The following CDC42SE2 variants were observed in gnomAD, a reference collection of about 807,000 sequenced individuals.
The protein encoded by CDC42SE2 is CDC42 small effector protein 2.
A neutral mutation model predicts 11.5 loss-of-function variants in CDC42SE2; 3 were observed. The ratio of observed to expected loss-of-function variants is 0.26; its 90% CI spans 0.12 to 0.67. CDC42SE2 has a LOEUF of 0.67. Ranked by LOEUF, CDC42SE2 falls within the 30% of genes least tolerant of loss-of-function variation. The pLI, the probability that CDC42SE2 is intolerant of heterozygous loss-of-function variation, is 0.80. For missense variants in CDC42SE2, 82 were observed against 106.8 expected (o/e 0.77, Z 1.02); for synonymous variants, 33 against 34.8 (o/e 0.95, Z 0.18).
chr5:131,306,899 G>T (rs1223084935), intron 1 of CDC42SE2, among the ~76,000 whole-genome samples: 1 of 151,866 alleles, frequency 6.6e-6, no homozygotes, highest in Non-Finnish European at 1.5e-5. Context: ...ATTATTAGTT[G>T]TTAGTGTAAA....
chr5:131,216,457 A>C, the CDC42SE2 span, among the ~76,000 whole-genome samples: 1 of 148,910 alleles, frequency 6.7e-6, no homozygotes. Context: ...AGCTGTGGTC[A>C]CACCACTGCA....
intron 2 of CDC42SE2, among the ~76,000 whole-genome samples, chr5:131,354,371 G>C (rs951551573): frequency 6.6e-6 from 1 of 152,050 alleles, no homozygotes. Context: ...GAGCCCATAA[G>C]CACCTCTTCC....
chr5:131,349,433 T>TAC (rs1370766463), intron 2 of CDC42SE2, among the ~76,000 whole-genome samples: 1 of 152,206 alleles, frequency 6.6e-6, no homozygotes, highest in Non-Finnish European at 1.5e-5. Context: ...GGCACATGTA[T>TAC]ACATATGTAA....
At chr5:131,236,427 T>G in the CDC42SE2 span, among the ~76,000 whole-genome samples, 3 of 152,236 alleles carry the variant, frequency 2.0e-5, no homozygotes, top group South Asian at 6.2e-4. Flanking sequence ...GTTTACTTAT[T>G]ATTATTATTA....
rs559709285 is a variant in CDC42SE2, at chr5:131,347,817, T to C, written c.-285-11392T>C. Reference sequence around the variant, plus strand: ...TTATGTACCACGATCAAGTGGGCTTTATCCCTGGGATGCAAGGCTGGTTCA... The same window carrying C: ...TTATGTACCACGATCAAGTGGGCTTCATCCCTGGGATGCAAGGCTGGTTCA... On this transcript the variant is annotated intron_variant, in intron 2 of 4. Transcript: ENST00000505065. 5.3e-5 allele frequency among the ~76,000 whole-genome samples: 8 copies of C among 152,356 alleles called. No homozygotes were observed. The East Asian group carries it at 9.6e-4, about 18-fold the overall frequency.
chr5:131,291,492 C>CT (rs1051317833), intron 1 of CDC42SE2, among the ~76,000 whole-genome samples: 6 of 151,808 alleles, frequency 4.0e-5, no homozygotes, highest in South Asian at 2.1e-4. Context: ...TTTAGTTACT[C>CT]TTTTTTTTCT....
rs879901518 is a variant in CDC42SE2, at chr5:131,309,286, G to C, written c.-454-6690G>C. Reference sequence around the variant, plus strand: ...TATATTGAACCAGCCTTGCATCCCAGGGATGAAGCCCACTTGATCATGGTG... The same window carrying C: ...TATATTGAACCAGCCTTGCATCCCACGGATGAAGCCCACTTGATCATGGTG... On this transcript the variant is annotated intron_variant, in intron 1 of 4. Transcript: ENST00000505065. Among the ~76,000 whole-genome samples, 59 of 150,584 alleles carry C rather than the reference G, an allele frequency of 3.9e-4. 1 individual carries two copies. Among genetic ancestry groups the C allele is most frequent in the Admixed American group, 1.5e-3 (22 of 15,138 alleles).
At chr5:131,284,337 G>A (rs941610462) in intron 1 of CDC42SE2, among the ~76,000 whole-genome samples, 3 of 152,052 alleles carry the variant, frequency 2.0e-5, no homozygotes, top group African/African-American at 7.3e-5. Context: ...GTTAAATTAG[G>A]TACATCTGCA....
Position 131,394,287 on chromosome 5 carries a change from T to A in CDC42SE2, c.*3196T>A, listed in dbSNP as rs2149794361. 1 of 152,484 alleles carries A rather than the reference T, an allele frequency of 6.6e-6. No individual in the cohort carries two copies. The highest frequency in any genetic ancestry group is 1.5e-5 in the Non-Finnish European group (1 of 68,030). The allele number at this position is 152,484 out of a possible 1,614,324, so 9.4% of individuals were successfully genotyped here. A position where few individuals can be genotyped will look rare whatever the true frequency, so the allele number is the denominator to read the frequency against. ...GTGGATTGTTAGCAGTGATCTGCATTCTGTAAAAGAGGTACTTTCCCATGA... is the reference window on the plus strand; with the variant it reads ...GTGGATTGTTAGCAGTGATCTGCATACTGTAAAAGAGGTACTTTCCCATGA... On this transcript the variant is annotated 3_prime_UTR_variant, in exon 5 of 5. Coordinates refer to ENST00000505065, the MANE Select transcript of CDC42SE2 (RefSeq NM_001375635.1).
intron 1 of CDC42SE2, among the ~76,000 whole-genome samples, chr5:131,296,965 A>G (rs914865022): frequency 6.6e-6 from 1 of 152,058 alleles, no homozygotes; most frequent in Non-Finnish European, 1.5e-5. Flanking sequence ...AATAACTCCA[A>G]CCTAAGATTG....
intron 1 of CDC42SE2, among the ~76,000 whole-genome samples, chr5:131,253,986 T>C (rs1756660553): frequency 6.6e-6 from 1 of 152,210 alleles, no homozygotes; most frequent in Admixed American, 6.5e-5. Context: ...GTCTGAATCA[T>C]CTCTGAAGAT....
chr5:131,333,493 A>T (rs1267855937), intron 2 of CDC42SE2, among the ~76,000 whole-genome samples: 1 of 152,108 alleles, frequency 6.6e-6, no homozygotes, highest in African/African-American at 2.4e-5. Context: ...GTTTTTTCCA[A>T]TTCTGTGAAG....
intron 1 of CDC42SE2, chr5:131,245,719 T>C (rs975058825): frequency 6.6e-6 from 1 of 152,228 alleles, no homozygotes; most frequent in Non-Finnish European, 1.5e-5. Context: ...ATCATATTAC[T>C]TGAAGTTACT....
At chr5:131,329,899 A>G (rs2545465) in intron 2 of CDC42SE2, among the ~76,000 whole-genome samples, 19 of 49,284 alleles carry the variant, frequency 3.9e-4, no homozygotes, top group African/African-American at 2.7e-3. Context: ...AAAAAAAAAA[A>G]AAAAAAAAAA....
At chr5:131,383,221 C>CTAG (rs1750375040) in intron 3 of CDC42SE2, among the ~76,000 whole-genome samples, 1 of 152,162 alleles carries the variant, frequency 6.6e-6, no homozygotes, top group African/African-American at 2.4e-5. Flanking sequence ...TATGAGGCAC[C>CTAG]TCTAAGATCA....
At chr5:131,373,555 C>T (rs1431333658) in intron 3 of CDC42SE2, among the ~76,000 whole-genome samples, 4 of 152,162 alleles carry the variant, frequency 2.6e-5, no homozygotes, top group Non-Finnish European at 5.9e-5. Context: ...AGTGAGCTCA[C>T]CATCTGATCA....
At chr5:131,248,724 A>G (rs1420481722) in intron 1 of CDC42SE2, among the ~76,000 whole-genome samples, 1 of 152,220 alleles carries the variant, frequency 6.6e-6, no homozygotes, top group African/African-American at 2.4e-5. Flanking sequence ...AGAGAATATC[A>G]ACTATCTAGG....
chr5:131,306,646 T>C (rs921854636), intron 1 of CDC42SE2, among the ~76,000 whole-genome samples: 3 of 152,216 alleles, frequency 2.0e-5, no homozygotes, highest in Non-Finnish European at 4.4e-5. Context: ...GGAATTTTGA[T>C]AGAGATTGCA....
chr5:131,365,239 G>A (rs747530457), intron 3 of CDC42SE2, among the ~76,000 whole-genome samples: 4 of 151,940 alleles, frequency 2.6e-5, no homozygotes, highest in Admixed American at 6.6e-5. Flanking sequence ...GCAGTGAGCC[G>A]AGATCGTGCC....
Sources: gnomAD v4.1 joint callset for allele counts (sites outside exome capture counted in the v4.1 genomes callset) on GRCh38, gnomAD v4.1.1 for gene constraint, MANE v1.5 for transcripts, NCBI Gene and HGNC (gene_info 2026-07-23, HGNC 2026-07-21) for gene names.